Variants in CRPPA observed in about 807,000 individuals in gnomAD.
The protein encoded by CRPPA is CDP-L-ribitol pyrophosphorylase A.
In CRPPA, 43 loss-of-function variants were observed where a neutral mutation model predicts 52.0. The observed-to-expected ratio is 0.83, with a 90% CI of 0.65 to 1.07. The LOEUF (loss-of-function observed/expected upper bound fraction) is 1.07, where lower values mean the gene tolerates loss of function less well. Among genes scored for constraint, CRPPA ranks in the 50% least tolerant of loss-of-function variants. CRPPA has a pLI of 0.00. For synonymous variants in CRPPA, 250 were observed against 203.5 expected (o/e 1.23, Z -1.94); for missense variants, 629 against 551.7 (o/e 1.14, Z -1.40).
chr7:16,111,950 A>C (rs559001958), intron 9 of CRPPA, among the ~76,000 whole-genome samples: 1 of 152,226 alleles, frequency 6.6e-6, no homozygotes, highest in Non-Finnish European at 1.5e-5. Context: ...GAAGAGATGT[A>C]TATGTTAACT....
intron 9 of CRPPA, among the ~76,000 whole-genome samples, chr7:16,201,025 C>T (rs572180009): frequency 6.6e-6 from 1 of 152,128 alleles, no homozygotes; most frequent in South Asian, 2.1e-4. Flanking sequence ...TTGCAACACA[C>T]ATATGAATAC....
chr7:16,398,324 T>C (rs1787674290), intron 2 of CRPPA, among the ~76,000 whole-genome samples: 1 of 151,262 alleles, frequency 6.6e-6, no homozygotes, highest in Non-Finnish European at 1.5e-5. Flanking sequence ...GATAAACACA[T>C]GATCAATACG....
chr7:16,268,432 T>G (rs1195701293), intron 6 of CRPPA, among the ~76,000 whole-genome samples: 1 of 152,142 alleles, frequency 6.6e-6, no homozygotes, highest in Non-Finnish European at 1.5e-5. Context: ...AAACCCTATG[T>G]AATAAGCAAA....
chr7:16,328,209 T>C (rs1454295994), intron 3 of CRPPA, among the ~76,000 whole-genome samples: 1 of 152,160 alleles, frequency 6.6e-6, no homozygotes, highest in Non-Finnish European at 1.5e-5. Context: ...TCCTGTAGTT[T>C]GTTGTTTTAT....
intron 8 of CRPPA, among the ~76,000 whole-genome samples, chr7:16,219,951 A>C (rs912682370): frequency 2.7e-5 from 4 of 147,982 alleles, no homozygotes; most frequent in Non-Finnish European, 6.0e-5. Context: ...TATGAGGCCA[A>C]CATCATTCTG....
At chr7:16,286,039 ATAT>A (rs1562608357) in intron 5 of CRPPA, among the ~76,000 whole-genome samples, 5,399 of 23,898 alleles carry the variant, frequency 0.23, 1,068 homozygotes, top group African/African-American at 0.28. Flanking sequence ...AAAAAAAAAA[ATAT>A]AAATATATAT....
intron 8 of CRPPA, among the ~76,000 whole-genome samples, chr7:16,254,793 G>GAAAGAAAA (rs1783575118): frequency 4.8e-5 from 1 of 20,848 alleles, no homozygotes; most frequent in Admixed American, 5.4e-4. Flanking sequence ...AAGAAAGAAG[G>GAAAGAAAA]AAAGAAAGAA....
intron 9 of CRPPA, among the ~76,000 whole-genome samples, chr7:16,152,468 C>A (rs1279827097): frequency 6.6e-6 from 1 of 151,904 alleles, no homozygotes; most frequent in Non-Finnish European, 1.5e-5. Context: ...TGGACGAATA[C>A]TTAATTTGCC....
intron 9 of CRPPA, among the ~76,000 whole-genome samples, chr7:16,137,112 C>T (rs575445532): frequency 6.6e-6 from 1 of 152,186 alleles, no homozygotes; most frequent in Non-Finnish European, 1.5e-5. Flanking sequence ...AATCCTAAGC[C>T]CCCAGAGGCA....
intron 3 of CRPPA, among the ~76,000 whole-genome samples, chr7:16,341,471 T>C (rs1341163620): frequency 2.0e-5 from 3 of 152,174 alleles, no homozygotes; most frequent in African/African-American, 7.2e-5. Context: ...TTCTTGCCTA[T>C]CCATATTTGC....
Position 16,154,900 on chromosome 7 carries a change from C to T in CRPPA, c.1251+61166G>A, listed in dbSNP as rs186281837. Among the ~76,000 whole-genome samples the T allele has an allele frequency of 8.6e-5, 13 of 151,492 alleles. No individual in the cohort carries two copies. The East Asian group carries it at 2.5e-3, about 30-fold the overall frequency. ...TCGACTCACCACAACCTCTGTCCCCCAGGTTCAAGCAATTCTCCTGCCTCA... is the reference window on the plus strand; with the variant it reads ...TCGACTCACCACAACCTCTGTCCCCTAGGTTCAAGCAATTCTCCTGCCTCA... On this transcript the variant is annotated intron_variant, in intron 9 of 9. Coordinates refer to ENST00000407010, the MANE Select transcript of CRPPA (RefSeq NM_001101426.4).
chr7:16,280,536 T>C (rs1784300609), intron 5 of CRPPA, among the ~76,000 whole-genome samples: 1 of 152,154 alleles, frequency 6.6e-6, no homozygotes, highest in Non-Finnish European at 1.5e-5. Flanking sequence ...TTTATATAAA[T>C]TTGTAAAATA....
intron 3 of CRPPA, among the ~76,000 whole-genome samples, chr7:16,343,444 G>T (rs1785924339): frequency 6.6e-6 from 1 of 151,988 alleles, no homozygotes; most frequent in Non-Finnish European, 1.5e-5. Flanking sequence ...GCAAAATAAG[G>T]TTGGATTTGC....
At chr7:16,331,100 C>T (rs1043762565) in intron 3 of CRPPA, among the ~76,000 whole-genome samples, 3 of 152,116 alleles carry the variant, frequency 2.0e-5, no homozygotes, top group East Asian at 1.9e-4. Flanking sequence ...CCCGAGTTCA[C>T]GCCATTCTCC....
At chr7:16,330,079 A>C (rs1785512052) in intron 3 of CRPPA, among the ~76,000 whole-genome samples, 1 of 152,204 alleles carries the variant, frequency 6.6e-6, no homozygotes. Context: ...CTAACTTTGA[A>C]GATCACAATG....
intron 3 of CRPPA, among the ~76,000 whole-genome samples, chr7:16,374,121 A>T (rs1241628616): frequency 1.3e-5 from 2 of 152,056 alleles, no homozygotes; most frequent in Non-Finnish European, 2.9e-5. Flanking sequence ...GCCAGAGGGG[A>T]GTGACATTTG....
chr7:16,414,881 C>A (rs908773767), intron 1 of CRPPA, among the ~76,000 whole-genome samples: 2 of 152,148 alleles, frequency 1.3e-5, no homozygotes, highest in Non-Finnish European at 2.9e-5. Flanking sequence ...GCCATATGCA[C>A]AATTCTGGAC....
At chr7:16,242,965 C>A (rs979831022) in intron 8 of CRPPA, among the ~76,000 whole-genome samples, 1 of 152,154 alleles carries the variant, frequency 6.6e-6, no homozygotes, top group Non-Finnish European at 1.5e-5. Context: ...ATGCTGAAAT[C>A]TGCTTTACTT....
intron 2 of CRPPA, among the ~76,000 whole-genome samples, chr7:16,391,847 G>A (rs1583571981): frequency 6.6e-6 from 1 of 152,140 alleles, no homozygotes; most frequent in Non-Finnish European, 1.5e-5. Context: ...AGGTCTTAGA[G>A]ATACTGATTA....
Sources: allele counts gnomAD v4.1 joint callset (sites outside exome capture counted in the v4.1 genomes callset), GRCh38; gene constraint gnomAD v4.1.1; transcripts MANE v1.5; gene names NCBI Gene and HGNC (gene_info 2026-07-23, HGNC 2026-07-21).